PRKN: variants seen among roughly 807,000 people sequenced by gnomAD.
The protein encoded by PRKN is parkin RBR E3 ubiquitin protein ligase, also known as E3 ubiquitin-protein ligase parkin.
In PRKN, 56 loss-of-function variants were observed where a neutral mutation model predicts 59.5. The observed-to-expected ratio is 0.94, with a 90% CI of 0.76 to 1.18. The LOEUF (loss-of-function observed/expected upper bound fraction) is 1.18. Ranked by LOEUF, PRKN falls within the 50% of genes most tolerant of loss-of-function variation. PRKN has a pLI of 0.00. For missense variants in PRKN, 657 were observed against 596.4 expected (o/e 1.10, Z -1.06); for synonymous variants, 250 against 222.1 (o/e 1.13, Z -1.12).
At chr6:161,749,981 G>T (rs2128194405) in intron 7 of PRKN, among the ~76,000 whole-genome samples, 1 of 152,098 alleles carries the variant, frequency 6.6e-6, no homozygotes. Flanking sequence ...CTCTGTGTTT[G>T]CATTGCGTTT....
chr6:161,794,259 G>A (rs1422592152), intron 6 of PRKN, among the ~76,000 whole-genome samples: 3 of 152,122 alleles, frequency 2.0e-5, no homozygotes, highest in Non-Finnish European at 4.4e-5. Context: ...ATATATACCT[G>A]CTGAGGTTGA....
intron 1 of PRKN, among the ~76,000 whole-genome samples, chr6:162,558,331 T>A (rs1382378243): frequency 1.3e-5 from 2 of 150,580 alleles, no homozygotes; most frequent in African/African-American, 4.9e-5. Context: ...TTTTCCCTTT[T>A]TTTTTTTTTT....
At chr6:161,786,234 C>A (rs535720272) in intron 6 of PRKN, among the ~76,000 whole-genome samples, 2 of 152,230 alleles carry the variant, frequency 1.3e-5, no homozygotes, top group South Asian at 2.1e-4. Flanking sequence ...CCTATCAAAT[C>A]ATCCCATCTG....
Position 161,480,509 on chromosome 6 carries a change from C to A in PRKN, c.1083+68345G>T, listed in dbSNP as rs543788306. The stretch of plus-strand genomic sequence containing the variant: ...TAGCAGACTCACAAAATGCCAGAAG[C>A]GAGAGTTTGATTCCATTGGTATTAA... On this transcript the variant is annotated intron_variant, in intron 9 of 11. Transcript: ENST00000366898. The surrounding 1 kb of genome is among the most constrained non-coding windows in gnomAD (Gnocchi z 4.1). 6.6e-6 allele frequency among the ~76,000 whole-genome samples: 1 copy of A among 152,118 alleles called. No individual in the cohort carries two copies. Among genetic ancestry groups the A allele is most frequent in the African/African-American group, 2.4e-5 (1 of 41,436 alleles).
At chr6:161,738,659 C>T (rs1788065697) in intron 7 of PRKN, among the ~76,000 whole-genome samples, 1 of 152,126 alleles carries the variant, frequency 6.6e-6, no homozygotes, top group Non-Finnish European at 1.5e-5. Flanking sequence ...TGTGTGTGGT[C>T]ACCAGGTGTA....
rs1786178006 is a variant in PRKN, at chr6:161,385,093, C to A, written c.1167+1701G>T. Among the ~76,000 whole-genome samples, 2 of 152,086 alleles carry A rather than the reference C, an allele frequency of 1.3e-5. No homozygotes were observed. The highest frequency in any genetic ancestry group is 4.8e-5 in the African/African-American group (2 of 41,416). ...TACAGGTGCACGCCACCACACCCAG[C>A]TAATTTTTGTATTTTTAGTAGAGAC... is the stretch of plus-strand genomic sequence containing the variant. On this transcript the variant is annotated intron_variant, in intron 10 of 11. Transcript: ENST00000366898. This position sits in a 1 kb window ranked among gnomAD's most constrained non-coding sequence, Gnocchi z 4.9.
intron 2 of PRKN, among the ~76,000 whole-genome samples, chr6:162,284,962 G>C (rs1781113271): frequency 6.6e-6 from 1 of 151,960 alleles, no homozygotes; most frequent in South Asian, 2.1e-4. Context: ...CATTAGGGTG[G>C]GTCTTATCTA....
At position 161,689,964 on chromosome 6, in the gene PRKN, G is replaced by A. The variant is rs112771129; in HGVS notation, c.871+95808C>T. ...ACCTCAAGGGATACACGCCCGCCTCGGCCTCCCAAAGTGCTGGGATTACAG... is the reference window on the plus strand; with the variant it reads ...ACCTCAAGGGATACACGCCCGCCTCAGCCTCCCAAAGTGCTGGGATTACAG... On this transcript the variant is annotated intron_variant, in intron 7 of 11. Coordinates refer to ENST00000366898, the MANE Select transcript of PRKN (RefSeq NM_004562.3). Among the ~76,000 whole-genome samples the A allele has an allele frequency of 7.5e-3, 1,136 of 152,072 alleles. 15 individuals carry two copies. The highest frequency in any genetic ancestry group is 0.027 in the African/African-American group (1,099 of 41,448).
In PRKN at chr6:161,874,330, A is replaced by T. The variant is rs1371258066; in HGVS notation, c.735-88422T>A. Reference sequence around the variant, plus strand: ...ATATTATATATAAAATATATATTACATGTAAAATATTATATATAAAATATA... The same window carrying T: ...ATATTATATATAAAATATATATTACTTGTAAAATATTATATATAAAATATA... On this transcript the variant is annotated intron_variant, in intron 6 of 11. Coordinates refer to ENST00000366898, the MANE Select transcript of PRKN (RefSeq NM_004562.3). 2.0e-4 allele frequency among the ~76,000 whole-genome samples: 16 copies of T among 78,742 alleles called. 2 individuals carry two copies. The highest frequency in any genetic ancestry group is 8.5e-4 in the African/African-American group (16 of 18,780). 51.7% of individuals were successfully genotyped at this position (78,742 alleles called of 152,430 possible). A position where few individuals can be genotyped will look rare whatever the true frequency, so the allele number is the denominator to read the frequency against.
At position 161,516,923 on chromosome 6, in the gene PRKN, T is replaced by A. The variant is rs116487030; in HGVS notation, c.1083+31931A>T. On this transcript the variant is annotated intron_variant, in intron 9 of 11. Coordinates refer to ENST00000366898, the MANE Select transcript of PRKN (RefSeq NM_004562.3). Reference sequence around the variant, plus strand: ...TCAGTGGATGCATTTATTGAATTGATGCTTTCAGTAAGTTGTTTCTCATTG... The same window carrying A: ...TCAGTGGATGCATTTATTGAATTGAAGCTTTCAGTAAGTTGTTTCTCATTG... 9.2e-3 allele frequency among the ~76,000 whole-genome samples: 1,402 copies of A among 152,146 alleles called. 26 individuals carry two copies. The highest frequency in any genetic ancestry group is 0.032 in the African/African-American group (1,326 of 41,506).
At chr6:162,038,633 G>A (rs1011711297) in intron 5 of PRKN, among the ~76,000 whole-genome samples, 5 of 152,088 alleles carry the variant, frequency 3.3e-5, no homozygotes, top group African/African-American at 7.2e-5. Context: ...ACTAAGCTTC[G>A]TCTCTTTTAG....
chr6:162,503,678 C>A (rs2128188565), intron 1 of PRKN, among the ~76,000 whole-genome samples: 1 of 152,174 alleles, frequency 6.6e-6, no homozygotes, highest in East Asian at 1.9e-4. Flanking sequence ...AGAGAAAATC[C>A]AATTATATTT....
intron 7 of PRKN, among the ~76,000 whole-genome samples, chr6:161,625,953 A>G (rs767039845): frequency 2.6e-5 from 4 of 152,188 alleles, no homozygotes; most frequent in Non-Finnish European, 5.9e-5. Context: ...CAGTATAAGA[A>G]GTTGGTTTCA....
chr6:162,577,704 G>C (rs1780618471), intron 1 of PRKN, among the ~76,000 whole-genome samples: 1 of 152,148 alleles, frequency 6.6e-6, no homozygotes, highest in African/African-American at 2.4e-5. Flanking sequence ...CAAGAGAGAA[G>C]GATTACTCGA....
intron 7 of PRKN, among the ~76,000 whole-genome samples, chr6:161,714,426 C>T (rs1373295311): frequency 6.6e-6 from 1 of 152,158 alleles, no homozygotes; most frequent in African/African-American, 2.4e-5. Context: ...TTGCCTTTTG[C>T]CATGTGAAGA....
chr6:162,464,105 C>CA (rs1442905517), intron 1 of PRKN, among the ~76,000 whole-genome samples: 3 of 152,088 alleles, frequency 2.0e-5, no homozygotes. Flanking sequence ...GTACTTTCAA[C>CA]AAAAAATTCT....
chr6:162,169,165 CACATTCCCTTGTT>C (rs1273976612), intron 4 of PRKN, among the ~76,000 whole-genome samples: 2 of 152,150 alleles, frequency 1.3e-5, no homozygotes, highest in Non-Finnish European at 2.9e-5. Context: ...AGCTATTTGT[CACATTCCCTTGTT>C]TGGATTTTGG....
intron 9 of PRKN, among the ~76,000 whole-genome samples, chr6:161,536,325 A>G (rs972327936): frequency 6.6e-6 from 1 of 152,082 alleles, no homozygotes; most frequent in African/African-American, 2.4e-5. Flanking sequence ...CCTGATCACT[A>G]GTAAGGGTCA....
chr6:162,489,643 T>G (rs1792715213), intron 1 of PRKN, among the ~76,000 whole-genome samples: 1 of 152,198 alleles, frequency 6.6e-6, no homozygotes, highest in African/African-American at 2.4e-5. Flanking sequence ...GTTATAAGTA[T>G]GTTGGGGGCA....
Sources: gnomAD v4.1 joint callset for allele counts (sites outside exome capture counted in the v4.1 genomes callset) on GRCh38, gnomAD v4.1.1 for gene constraint, Gnocchi (gnomAD v3.1) non-coding constraint, MANE v1.5 for transcripts, NCBI Gene and HGNC (gene_info 2026-07-23, HGNC 2026-07-21) for gene names.